COL26A1: variants seen among roughly 807,000 people sequenced by gnomAD.
COL26A1 encodes collagen type XXVI alpha 1 chain.
A neutral mutation model predicts 59.3 loss-of-function variants in COL26A1; 41 were observed. The ratio of observed to expected loss-of-function variants is 0.69; its 90% confidence interval spans 0.54 to 0.90. COL26A1 has a LOEUF of 0.90. Ranked by LOEUF, COL26A1 falls within the 40% of genes least tolerant of loss-of-function variation. COL26A1 has a pLI of 0.00. For synonymous variants in COL26A1, 266 were observed against 256.0 expected (o/e 1.04, Z -0.37); for missense variants, 612 against 602.3 (o/e 1.02, Z -0.17).
At chr7:101,416,467 T>A (rs1792372273) in intron 1 of COL26A1, among the ~76,000 whole-genome samples, 1 of 143,382 alleles carries the variant, frequency 7.0e-6, no homozygotes, top group African/African-American at 2.5e-5. Context: ...TCTTGTAAAT[T>A]TTCTTGTTAT....
At chr7:101,398,840 T>G (rs547969752) in intron 1 of COL26A1, among the ~76,000 whole-genome samples, 1 of 152,188 alleles carries the variant, frequency 6.6e-6, no homozygotes, top group African/African-American at 2.4e-5. Flanking sequence ...GCAGTCTGAT[T>G]AGAATCACAA....
intron 1 of COL26A1, among the ~76,000 whole-genome samples, chr7:101,402,938 G>T (rs6969602): frequency 0.79 from 119,402 of 151,512 alleles, 47,777 homozygotes; most frequent in Middle Eastern, 0.9. Context: ...CTTGACCTCC[G>T]GGGCTCAAGA....
chr7:101,405,578 T>C (rs1792110429), intron 1 of COL26A1, among the ~76,000 whole-genome samples: 1 of 152,102 alleles, frequency 6.6e-6, no homozygotes, highest in Non-Finnish European at 1.5e-5. Flanking sequence ...TGATGCTTCC[T>C]AAAATGATCC....
chr7:101,398,648 A>G (rs1005001825), intron 1 of COL26A1, among the ~76,000 whole-genome samples: 1 of 152,084 alleles, frequency 6.6e-6, no homozygotes, highest in East Asian at 1.9e-4. Flanking sequence ...CTTTGCACCA[A>G]GGGCAAATGT....
intron 1 of COL26A1, among the ~76,000 whole-genome samples, chr7:101,398,440 G>A (rs1173172440): frequency 1.3e-5 from 2 of 152,050 alleles, no homozygotes; most frequent in Admixed American, 6.6e-5. Flanking sequence ...GAGCTTTCTC[G>A]GCAACCAAGT....
intron 1 of COL26A1, among the ~76,000 whole-genome samples, chr7:101,373,325 G>A (rs986820090): frequency 4.6e-5 from 7 of 152,224 alleles, no homozygotes; most frequent in African/African-American, 1.7e-4. Context: ...GGAGCCTGCT[G>A]CTTTGCTTCT....
chr7:101,451,636 G>A (rs1486260428), intron 3 of COL26A1, among the ~76,000 whole-genome samples: 1 of 150,664 alleles, frequency 6.6e-6, no homozygotes, highest in African/African-American at 2.4e-5. Context: ...GACCACTAAG[G>A]TTGAGCCTAT....
chr7:101,434,810 C>G (rs188526082), intron 2 of COL26A1, among the ~76,000 whole-genome samples: 1 of 152,302 alleles, frequency 6.6e-6, no homozygotes, highest in East Asian at 1.9e-4. Context: ...TTCAATTGTT[C>G]ATTCAATGTT....
chr7:101,503,954 C>A (rs1397405902), intron 3 of COL26A1, among the ~76,000 whole-genome samples: 6 of 152,142 alleles, frequency 3.9e-5, no homozygotes, highest in Admixed American at 3.9e-4. Flanking sequence ...GGAAGGGGAC[C>A]ATGTGTCACG....
At chr7:101,371,235 G>A (rs1031773125) in intron 1 of COL26A1, among the ~76,000 whole-genome samples, 1 of 152,190 alleles carries the variant, frequency 6.6e-6, no homozygotes, top group African/African-American at 2.4e-5. Context: ...TGGAGGAAGA[G>A]CTCAGCAGAC....
In COL26A1 at chr7:101,420,054, T is replaced by C. The variant is rs1584391908; in HGVS notation, c.236T>C (p.Val79Ala). 3 of 1,612,928 alleles carry C rather than the reference T, an allele frequency of 1.9e-6. No homozygotes were observed. The highest frequency in any genetic ancestry group is 2.5e-6 in the Non-Finnish European group (3 of 1,179,840). The stretch of plus-strand genomic sequence containing the variant: ...GGCTCGGAGACGGTGGTCCAGCGCG[T>C]GTACCAGAGCTGCCGGTGGCCGGGG... ...QNGSETVVQR[V>A]YQSCRWPGPC... is the part of the protein sequence containing the mutation. Residue 79 changes from valine (V) to alanine (A), a missense_variant, in exon 2 of 13, where the codon GTG (valine) becomes GCG (alanine). Transcript: ENST00000313669.
At position 101,495,632 on chromosome 7, in the gene COL26A1, A is replaced by G. The variant is rs563488977; in HGVS notation, c.386-37450A>G. Among the ~76,000 whole-genome samples, 381 of 150,814 alleles carry G rather than the reference A, an allele frequency of 2.5e-3. 1 individual carries two copies. Among genetic ancestry groups the G allele is most frequent in the Non-Finnish European group, 3.8e-3 (254 of 67,634 alleles). ...GACGGGGTTTCACCATGTTAGCCAG[A>G]ATGGTCTCAATCTCCTGACCTTGTG... On this transcript the variant is annotated intron_variant, in intron 3 of 12. Coordinates refer to ENST00000313669, the MANE Select transcript of COL26A1 (RefSeq NM_001278563.3).
intron 1 of COL26A1, among the ~76,000 whole-genome samples, chr7:101,367,589 C>A (rs10953338): frequency 4.0e-5 from 6 of 150,532 alleles, no homozygotes; most frequent in Non-Finnish European, 7.4e-5. Context: ...CGCTTAAGCC[C>A]GGGAGGCGGA....
rs370321489 is a variant in COL26A1, at chr7:101,557,353, T to A, written c.1166-17T>A. 1 of 1,608,742 alleles carries A rather than the reference T, an allele frequency of 6.2e-7. No individual in the cohort carries two copies. The highest frequency in any genetic ancestry group is 8.5e-7 in the Non-Finnish European group (1 of 1,176,306). On this transcript the variant is annotated splice_polypyrimidine_tract_variant and intron_variant, in intron 12 of 12. Transcript: ENST00000313669. ...CTAAGGCTCTACCTCGAGTCCACCC[T>A]CCTGCTCTCCTTCCAGATCCCCTGG...
At chr7:101,399,294 A>T (rs1468369258) in intron 1 of COL26A1, among the ~76,000 whole-genome samples, 1 of 152,060 alleles carries the variant, frequency 6.6e-6, no homozygotes, top group African/African-American at 2.4e-5. Flanking sequence ...CAACAGAGTG[A>T]CACTCTGTCC....
At chr7:101,530,854 C>T (rs1795351726) in intron 3 of COL26A1, among the ~76,000 whole-genome samples, 1 of 152,178 alleles carries the variant, frequency 6.6e-6, no homozygotes, top group Admixed American at 6.5e-5. Flanking sequence ...CACCTGGCTG[C>T]ATGCACCTTG....
intron 1 of COL26A1, among the ~76,000 whole-genome samples, chr7:101,371,741 A>C (rs1791199759): frequency 6.6e-6 from 1 of 152,144 alleles, no homozygotes; most frequent in Non-Finnish European, 1.5e-5. Flanking sequence ...GCAGTGAGCT[A>C]TGATTACACC....
rs545784602 is a variant in COL26A1, at chr7:101,418,154, C to T, written c.159-1823C>T. Among the ~76,000 whole-genome samples, 61 of 152,186 alleles carry T rather than the reference C, an allele frequency of 4.0e-4. 1 individual carries two copies. The South Asian group carries it at 0.011, about 27-fold the overall frequency. ...TGCTGGGATTATGAGTGTGAGCCAC[C>T]GCACTCAGCCTCCAATGCCTGATTC... On this transcript the variant is annotated intron_variant, in intron 1 of 12. Transcript: ENST00000313669.
chr7:101,368,179 A>G (rs893096855), intron 1 of COL26A1, among the ~76,000 whole-genome samples: 6 of 152,056 alleles, frequency 3.9e-5, no homozygotes, highest in Non-Finnish European at 8.8e-5. Context: ...TTCGTTTTCT[A>G]TTTTGGCAGA....
Sources: gnomAD v4.1 joint callset for allele counts (sites outside exome capture counted in the v4.1 genomes callset) on GRCh38, gnomAD v4.1.1 for gene constraint, MANE v1.5 for transcripts, NCBI Gene and HGNC (gene_info 2026-07-23, HGNC 2026-07-21) for gene names.